Variants in SPAG17 observed in about 807,000 individuals in gnomAD.
The protein encoded by SPAG17 is sperm-associated antigen 17.
SPAG17 carries 169 observed loss-of-function variants against 273.6 expected under a neutral mutation model. The observed-to-expected ratio is 0.62, with a 90% CI of 0.55 to 0.70. The LOEUF (loss-of-function observed/expected upper bound fraction) is 0.70, where lower values mean the gene tolerates loss of function less well. SPAG17 is among the 30% of genes least tolerant of loss of function. SPAG17 has a pLI of 0.00. For synonymous variants in SPAG17, 825 were observed against 873.2 expected (o/e 0.94, Z 0.97); for missense variants, 2,557 against 2,627.8 (o/e 0.97, Z 0.59).
In SPAG17 at chr1:118,081,261, T is replaced by C; in HGVS notation, c.2049A>G (p.Gln683=). ...AAGGTTCTCGGTTGCTTTCATTATCTTGCACAGACATTGACAAATTCTGAT... is the reference window on the plus strand; with the variant it reads ...AAGGTTCTCGGTTGCTTTCATTATCCTGCACAGACATTGACAAATTCTGAT... ...FVDQNLSMSV[Q]DNESNREPSD... Residue 683 remains glutamine, a synonymous_variant, in exon 15 of 49, where the codon CAA becomes CAG. Coordinates refer to ENST00000336338, the MANE Select transcript of SPAG17 (RefSeq NM_206996.4). The C allele has an allele frequency of 6.2e-7, 1 of 1,614,158 alleles. No individual in the cohort carries two copies. Among genetic ancestry groups the C allele is most frequent in the Non-Finnish European group, 8.5e-7 (1 of 1,180,026 alleles).
intron 46 of SPAG17, among the ~76,000 whole-genome samples, chr1:117,967,326 T>C (rs926521587): frequency 6.7e-6 from 1 of 148,658 alleles, no homozygotes; most frequent in Non-Finnish European, 1.5e-5. Context: ...AAAATTCATC[T>C]AACAGACTTG....
chr1:118,000,482 G>A (rs1252975718), intron 32 of SPAG17, among the ~76,000 whole-genome samples: 1 of 152,104 alleles, frequency 6.6e-6, no homozygotes, highest in Non-Finnish European at 1.5e-5. Context: ...ATTTGTTTAT[G>A]TCCTTTTCTA....
chr1:118,022,104 GAA>G (rs1018802891), intron 28 of SPAG17, among the ~76,000 whole-genome samples: 1 of 152,062 alleles, frequency 6.6e-6, no homozygotes, highest in Non-Finnish European at 1.5e-5. Flanking sequence ...GAGAAATTGA[GAA>G]AAGTTTGTAA....
chr1:118,069,310 A>C (rs1653319926), intron 17 of SPAG17, among the ~76,000 whole-genome samples: 1 of 147,080 alleles, frequency 6.8e-6, no homozygotes, highest in African/African-American at 2.5e-5. Flanking sequence ...ATGCCACTGC[A>C]CTCCAGCCTA....
At chr1:118,069,217 TG>T (rs1653307451) in intron 17 of SPAG17, among the ~76,000 whole-genome samples, 1 of 151,794 alleles carries the variant, frequency 6.6e-6, no homozygotes, top group Admixed American at 6.6e-5. Flanking sequence ...TGGTGGCACG[TG>T]CCTATAGTCC....
intron 15 of SPAG17, among the ~76,000 whole-genome samples, chr1:118,074,921 T>G (rs544593202): frequency 6.6e-6 from 1 of 152,380 alleles, no homozygotes; most frequent in African/African-American, 2.4e-5. Flanking sequence ...TTGTAATTAT[T>G]TACTGATTAA....
At chr1:118,075,539 G>A (rs888316666) in intron 15 of SPAG17, among the ~76,000 whole-genome samples, 12 of 152,222 alleles carry the variant, frequency 7.9e-5, no homozygotes, top group African/African-American at 2.9e-4. Context: ...AATGGATAAT[G>A]TATATAGCAT....
intron 6 of SPAG17, among the ~76,000 whole-genome samples, chr1:118,099,350 T>C (rs17257715): frequency 0.1 from 15,349 of 152,234 alleles, 1,020 homozygotes; most frequent in Admixed American, 0.15. Flanking sequence ...AACCAAGTCT[T>C]CTGAACTGCA....
intron 5 of SPAG17, 139 bp from the exon 6 acceptor site, chr1:118,099,939 T>C: frequency 1.5e-6 from 1 of 662,108 alleles, no homozygotes; most frequent in Non-Finnish European, 2.5e-6. Flanking sequence ...TTGGCTGGAA[T>C]GCAGTCATGT....
chr1:118,175,935 C>T (rs1020023350), intron 1 of SPAG17, among the ~76,000 whole-genome samples: 1 of 151,892 alleles, frequency 6.6e-6, no homozygotes, highest in African/African-American at 2.4e-5. Context: ...AAGAGATAGG[C>T]AATATTAAAA....
intron 27 of SPAG17, among the ~76,000 whole-genome samples, chr1:118,023,876 T>C (rs1647402875): frequency 6.6e-6 from 1 of 152,172 alleles, no homozygotes; most frequent in Admixed American, 6.6e-5. Flanking sequence ...TTAATATCTA[T>C]CTAGTTTGTA....
At chr1:118,027,496 C>T (rs1037821504) in intron 26 of SPAG17, among the ~76,000 whole-genome samples, 1 of 152,028 alleles carries the variant, frequency 6.6e-6, no homozygotes, top group African/African-American at 2.4e-5. Flanking sequence ...TAATATTTAT[C>T]AGATAAGAAA....
chr1:118,075,133 A>G (rs1340201696), intron 15 of SPAG17, among the ~76,000 whole-genome samples: 1 of 152,236 alleles, frequency 6.6e-6, no homozygotes, highest in African/African-American at 2.4e-5. Flanking sequence ...CCTTCCATTC[A>G]TTAATCATTT....
At chr1:118,073,171 A>G (rs1191677056) in intron 17 of SPAG17, among the ~76,000 whole-genome samples, 1 of 152,240 alleles carries the variant, frequency 6.6e-6, no homozygotes, top group Non-Finnish European at 1.5e-5. Flanking sequence ...AAACACAACA[A>G]AAGGATTTAG....
chr1:118,176,887 T>C (rs138050722), intron 1 of SPAG17, among the ~76,000 whole-genome samples: 124 of 152,142 alleles, frequency 8.2e-4, no homozygotes, highest in Non-Finnish European at 5.9e-5. Context: ...TGGAAATCAA[T>C]AACAAGAGAA....
chr1:118,003,630 C>A, intron 32 of SPAG17, among the ~76,000 whole-genome samples: 1 of 152,178 alleles, frequency 6.6e-6, no homozygotes. Flanking sequence ...GTGCATGTGT[C>A]ATGAAGTTCT....
chr1:118,163,553 T>C (rs1470068759), intron 1 of SPAG17, among the ~76,000 whole-genome samples: 7 of 151,838 alleles, frequency 4.6e-5, no homozygotes, highest in Admixed American at 3.3e-4. Context: ...TTTTTTTTTT[T>C]TTTACTAGAG....
chr1:118,007,749 C>T (rs1172769966), intron 31 of SPAG17, among the ~76,000 whole-genome samples: 1 of 152,214 alleles, frequency 6.6e-6, no homozygotes, highest in Non-Finnish European at 1.5e-5. Flanking sequence ...GTGTTTCTAA[C>T]ACCCACAGTG....
chr1:117,967,605 TA>T (rs1654025188), intron 46 of SPAG17, among the ~76,000 whole-genome samples: 1 of 152,126 alleles, frequency 6.6e-6, no homozygotes, highest in Non-Finnish European at 1.5e-5. Context: ...GCAGGATGCA[TA>T]AAATAATGAA....
Sources: gnomAD v4.1 joint callset for allele counts (sites outside exome capture counted in the v4.1 genomes callset) on GRCh38, gnomAD v4.1.1 for gene constraint, MANE v1.5 for transcripts, NCBI Gene and HGNC (gene_info 2026-07-23, HGNC 2026-07-21) for gene names.